The following SDK1 variants were observed in gnomAD, a reference collection of about 807,000 sequenced individuals.
SDK1 encodes protein sidekick-1.
In SDK1, 157 loss-of-function variants were observed where a neutral mutation model predicts 245.5. The observed-to-expected ratio is 0.64, with a 90% confidence interval of 0.56 to 0.73. The LOEUF is 0.73. Among genes scored for constraint, SDK1 ranks in the 30% least tolerant of loss-of-function variants. The pLI, the probability that SDK1 is intolerant of heterozygous loss-of-function variation, is 0.00. For synonymous variants in SDK1, 1,647 were observed against 1,278.5 expected (o/e 1.29, Z -6.15); for missense variants, 3,583 against 3,002.3 (o/e 1.19, Z -4.52).
chr7:3,735,699 A>C (rs1779299378), intron 4 of SDK1, among the ~76,000 whole-genome samples: 1 of 152,156 alleles, frequency 6.6e-6, no homozygotes, highest in African/African-American at 2.4e-5. Flanking sequence ...TTGTTAGATC[A>C]TATGATAATT....
chr7:3,757,629 G>GAGGGTGC (rs1358076066), intron 4 of SDK1, among the ~76,000 whole-genome samples: 1 of 152,176 alleles, frequency 6.6e-6, no homozygotes, highest in East Asian at 1.9e-4. Flanking sequence ...AGGTGTGGGG[G>GAGGGTGC]AGGGTGCAGT....
chr7:3,394,843 C>CAA (rs1282944366), intron 1 of SDK1, among the ~76,000 whole-genome samples: 9 of 151,774 alleles, frequency 5.9e-5, no homozygotes, highest in African/African-American at 2.2e-4. Flanking sequence ...ATATATTGAT[C>CAA]TTGTATTATA....
chr7:3,339,735 A>G (rs1315342517), intron 1 of SDK1, among the ~76,000 whole-genome samples: 1 of 152,146 alleles, frequency 6.6e-6, no homozygotes, highest in Non-Finnish European at 1.5e-5. Context: ...AAGCAGTCCC[A>G]AGAGGGAAAT....
chr7:3,447,953 C>G (rs1174329676), intron 1 of SDK1, among the ~76,000 whole-genome samples: 1 of 152,058 alleles, frequency 6.6e-6, no homozygotes, highest in African/African-American at 2.4e-5. Context: ...ATCCACCCAC[C>G]TCAGCCTCCC....
intron 1 of SDK1, among the ~76,000 whole-genome samples, chr7:3,396,835 AT>A (rs1778721945): frequency 6.6e-6 from 1 of 151,606 alleles, no homozygotes; most frequent in Admixed American, 6.6e-5. Context: ...AGATGGTCTA[AT>A]TCATTTATAT....
chr7:3,932,236 G>A lies in SDK1; in HGVS notation c.848-18687G>A, dbSNP rs529914273. ...CACTAATGCTTGTGATAATATGCCC[G>A]TAAGTGAGTATCTTAGGAGGGATCT... On this transcript the variant is annotated intron_variant, in intron 5 of 44. Transcript: ENST00000404826. Among the ~76,000 whole-genome samples, 10 of 152,266 alleles carry A rather than the reference G, an allele frequency of 6.6e-5. No homozygotes were observed. In the East Asian group the frequency reaches 9.6e-4, roughly 15 times the overall value.
In SDK1 at chr7:3,494,474, G is replaced by C. The variant is rs149201610; in HGVS notation, c.299-124606G>C. 1.7e-3 allele frequency among the ~76,000 whole-genome samples: 262 copies of C among 152,262 alleles called. 1 individual carries two copies. The highest frequency in any genetic ancestry group is 6.1e-3 in the African/African-American group (252 of 41,550). ...TGGGAAGACAGTGTTAGAAATTACA[G>C]ATTTGTGAAAGAATTTTTTTTGTTT... On this transcript the variant is annotated intron_variant, in intron 1 of 44. Coordinates refer to ENST00000404826, the MANE Select transcript of SDK1 (RefSeq NM_152744.4).
intron 1 of SDK1, among the ~76,000 whole-genome samples, chr7:3,467,223 C>T (rs939147354): frequency 3.3e-5 from 5 of 152,008 alleles, no homozygotes; most frequent in East Asian, 1.9e-4. Context: ...TATTAAAGCA[C>T]TTTCACATTT....
rs536006240 is a variant in SDK1 at position 3,854,386 on chromosome 7, A to G, written c.847+32803A>G. Among the ~76,000 whole-genome samples the G allele has an allele frequency of 2.0e-5, 3 of 152,296 alleles. No individual in the cohort carries two copies. The South Asian group carries it at 6.2e-4, about 32-fold the overall frequency. Reference sequence around the variant, plus strand: ...GTATGTGTGCAGATTAAATCAGATAATGTAACTCCTGCAACACAGTAGATG... The same window carrying G: ...GTATGTGTGCAGATTAAATCAGATAGTGTAACTCCTGCAACACAGTAGATG... On this transcript the variant is annotated intron_variant, in intron 5 of 44. Transcript: ENST00000404826.
At chr7:3,914,165 T>C (rs989243091) in intron 5 of SDK1, among the ~76,000 whole-genome samples, 9 of 152,380 alleles carry the variant, frequency 5.9e-5, no homozygotes, top group Admixed American at 3.9e-4. Context: ...ATTTGCATTA[T>C]ACAGTTCATT....
chr7:3,678,094 A>AC (rs1252970661), intron 4 of SDK1, among the ~76,000 whole-genome samples: 18 of 152,148 alleles, frequency 1.2e-4, no homozygotes, highest in African/African-American at 4.3e-4. Context: ...ACAACTTCAC[A>AC]CCCCTTGTAA....
intron 4 of SDK1, among the ~76,000 whole-genome samples, chr7:3,746,434 C>T (rs1000809286): frequency 2.0e-5 from 3 of 152,096 alleles, no homozygotes; most frequent in Non-Finnish European, 2.9e-5. Context: ...CAATTGATGT[C>T]TTCCTTTCAC....
At position 3,642,238 on chromosome 7, in the gene SDK1, A is replaced by C. The variant is rs549601815; in HGVS notation, c.713+133A>C. 1,998 of 712,374 alleles carry C rather than the reference A, an allele frequency of 2.8e-3. 9 individuals are homozygous for C. The highest frequency in any genetic ancestry group is 8.2e-3 in the Middle Eastern group (25 of 3,042). The allele number at this position is 712,374 out of a possible 1,614,324, so 44.1% of individuals were successfully genotyped here. A position where few individuals can be genotyped will look rare whatever the true frequency, so the allele number is the denominator to read the frequency against. ...CAAACTAGTCTAGGAGTCCTATCCTAATTTTTAATAAACAGCTATTTGAGG... is the reference window on the plus strand; with the variant it reads ...CAAACTAGTCTAGGAGTCCTATCCTCATTTTTAATAAACAGCTATTTGAGG... On this transcript the variant is annotated intron_variant, in intron 4 of 44. Transcript: ENST00000404826.
intron 4 of SDK1, among the ~76,000 whole-genome samples, chr7:3,650,324 T>C (rs529495298): frequency 6.6e-6 from 1 of 152,304 alleles, no homozygotes; most frequent in East Asian, 1.9e-4. Context: ...TTTCATCTTG[T>C]GAAACTCTGT....
chr7:3,313,522 T>C (rs561106911), intron 1 of SDK1, among the ~76,000 whole-genome samples: 1 of 152,166 alleles, frequency 6.6e-6, no homozygotes, highest in Non-Finnish European at 1.5e-5. Flanking sequence ...AGGTACAGAT[T>C]GTAAAGTGCT....
intron 5 of SDK1, among the ~76,000 whole-genome samples, chr7:3,930,378 C>G (rs1029389098): frequency 2.8e-4 from 43 of 152,156 alleles, no homozygotes; most frequent in Admixed American, 2.8e-3. Flanking sequence ...CCAGCCCTGC[C>G]GAGGCAGAAT....
chr7:3,520,585 T>C (rs2128614409), intron 1 of SDK1, among the ~76,000 whole-genome samples: 1 of 152,310 alleles, frequency 6.6e-6, no homozygotes, highest in Non-Finnish European at 1.5e-5. Flanking sequence ...AGTCTTAAAA[T>C]ATAGTAGAAT....
At chr7:3,400,362 G>T (rs1317227441) in intron 1 of SDK1, among the ~76,000 whole-genome samples, 1 of 152,074 alleles carries the variant, frequency 6.6e-6, no homozygotes, top group Non-Finnish European at 1.5e-5. Flanking sequence ...CATTTTCATT[G>T]TTTTTATGCA....
Position 3,699,838 on chromosome 7 carries a change from A to C in SDK1, c.713+57733A>C, listed in dbSNP as rs147050105. ...TTTCCTGAATATGGCATTTTAAAAC[A>C]CATAACCTTTCAAGAAGCCGAGAGA... On this transcript the variant is annotated intron_variant, in intron 4 of 44. Transcript: ENST00000404826. Among the ~76,000 whole-genome samples, 24 of 152,320 alleles carry C rather than the reference A, an allele frequency of 1.6e-4. No homozygotes were observed. In the East Asian group the frequency reaches 4.6e-3, roughly 29 times the overall value.
Sources: gnomAD v4.1 joint callset for allele counts (sites outside exome capture counted in the v4.1 genomes callset) on GRCh38, gnomAD v4.1.1 for gene constraint, MANE v1.5 for transcripts, NCBI Gene and HGNC (gene_info 2026-07-23, HGNC 2026-07-21) for gene names.